STK32B: variants seen among roughly 807,000 people sequenced by gnomAD.
STK32B encodes the protein serine/threonine-protein kinase 32B.
In STK32B, 43 loss-of-function variants were observed where a neutral mutation model predicts 52.6. The observed-to-expected ratio is 0.82, with a 90% CI of 0.64 to 1.05. The LOEUF (loss-of-function observed/expected upper bound fraction) is 1.05, where lower values mean the gene tolerates loss of function less well. STK32B is among the 50% of genes least tolerant of loss of function. The probability of loss-of-function intolerance (pLI) is 0.00; values close to 1 mark genes in which losing one functional copy is unlikely to be tolerated. For missense variants in STK32B, 621 were observed against 534.6 expected (o/e 1.16, Z -1.59); for synonymous variants, 238 against 204.3 (o/e 1.17, Z -1.41).
chr4:5,316,472 CATATATA>C (rs1446580180), intron 3 of STK32B, among the ~76,000 whole-genome samples: 1 of 3,080 alleles, frequency 3.2e-4, no homozygotes, highest in Non-Finnish European at 3.8e-4. Context: ...ATATATATTA[CATATATA>C]ATATATAATA....
chr4:5,400,193 C>T lies in STK32B; in HGVS notation c.472+1949C>T, dbSNP rs1428587796. 6.6e-6 allele frequency among the ~76,000 whole-genome samples: 1 copy of T among 152,218 alleles called. No homozygotes were observed. Among genetic ancestry groups the T allele is most frequent in the Non-Finnish European group, 1.5e-5 (1 of 68,040 alleles). On this transcript the variant is annotated intron_variant, in intron 5 of 11. Coordinates refer to ENST00000282908, the MANE Select transcript of STK32B (RefSeq NM_018401.3). This position sits in a 1 kb window ranked among gnomAD's most constrained non-coding sequence, Gnocchi z 6.1. ...CCATCCTCACAGACCTTGGCCACAG[C>T]TCCCCTGAAGCTGCTGCACAAAAGA...
At chr4:5,392,022 C>G (rs1488894967) in intron 4 of STK32B, among the ~76,000 whole-genome samples, 1 of 152,124 alleles carries the variant, frequency 6.6e-6, no homozygotes, top group Non-Finnish European at 1.5e-5. Flanking sequence ...AGAGAAGGGA[C>G]AGGGTCAGAT....
At chr4:5,044,277 C>T in the STK32B span, among the ~76,000 whole-genome samples, 5 of 152,094 alleles carry the variant, frequency 3.3e-5, no homozygotes, top group African/African-American at 1.2e-4. Flanking sequence ...AATCTCAGGG[C>T]CTTAAACATC....
chr4:5,483,198 C>T (rs1201014336), intron 11 of STK32B, among the ~76,000 whole-genome samples: 2 of 151,514 alleles, frequency 1.3e-5, no homozygotes, highest in African/African-American at 4.9e-5. Context: ...TAGAATTTGG[C>T]TGTGAATCCA....
chr4:5,497,608 G>A (rs739970), intron 11 of STK32B, among the ~76,000 whole-genome samples: 16,420 of 152,188 alleles, frequency 0.11, 1,747 homozygotes, highest in African/African-American at 0.28. Context: ...TGACCAATTC[G>A]CTGTCTTATG....
chr4:5,484,430 C>A (rs1341808724), intron 11 of STK32B, among the ~76,000 whole-genome samples: 1 of 151,618 alleles, frequency 6.6e-6, no homozygotes, highest in East Asian at 1.9e-4. Flanking sequence ...TTTTTGTTTT[C>A]CATTTGCTTG....
At chr4:5,413,414 T>C (rs1711877200) in intron 5 of STK32B, among the ~76,000 whole-genome samples, 1 of 152,192 alleles carries the variant, frequency 6.6e-6, no homozygotes, top group Non-Finnish European at 1.5e-5. Context: ...TACTTGAAGC[T>C]CTGCCTTCTC....
intron 3 of STK32B, among the ~76,000 whole-genome samples, chr4:5,242,545 G>T (rs1232873526): frequency 6.6e-6 from 1 of 152,134 alleles, no homozygotes; most frequent in Non-Finnish European, 1.5e-5. Context: ...CACTCTGATG[G>T]TGGTTTCTTT....
intron 3 of STK32B, among the ~76,000 whole-genome samples, chr4:5,249,429 T>TCCTACCTA (rs1476593559): frequency 4.2e-4 from 40 of 94,248 alleles, no homozygotes; most frequent in Non-Finnish European, 6.6e-4. Context: ...TGTTCTTCCT[T>TCCTACCTA]CCTTCCTACC....
At chr4:5,344,539 C>A (rs147575443) in intron 4 of STK32B, among the ~76,000 whole-genome samples, 1 of 152,274 alleles carries the variant, frequency 6.6e-6, no homozygotes, top group Non-Finnish European at 1.5e-5. Context: ...ATAAGAAAAC[C>A]TTTGCCTTGG....
chr4:5,255,874 C>T (rs1186702736), intron 3 of STK32B, among the ~76,000 whole-genome samples: 1 of 152,170 alleles, frequency 6.6e-6, no homozygotes, highest in Non-Finnish European at 1.5e-5. Flanking sequence ...ATGAATAAAG[C>T]TGCTGTGCAC....
intron 3 of STK32B, among the ~76,000 whole-genome samples, chr4:5,309,644 T>C (rs1730160005): frequency 6.6e-6 from 1 of 152,184 alleles, no homozygotes; most frequent in African/African-American, 2.4e-5. Flanking sequence ...AAGGACAGTC[T>C]CTTTAATGAA....
chr4:5,218,527 G>T (rs1723321457), intron 3 of STK32B, among the ~76,000 whole-genome samples: 1 of 152,202 alleles, frequency 6.6e-6, no homozygotes, highest in African/African-American at 2.4e-5. Context: ...ACTATAGCCT[G>T]AAAGGGGGAG....
chr4:5,182,023 T>A (rs1037843944), intron 3 of STK32B, among the ~76,000 whole-genome samples: 1 of 152,280 alleles, frequency 6.6e-6, no homozygotes, highest in Non-Finnish European at 1.5e-5. Context: ...TTATGTGATA[T>A]TCTAAATCCT....
At position 5,481,155 on chromosome 4, in the gene STK32B, G is replaced by C. The variant is rs544734115; in HGVS notation, c.1106+13085G>C. ...TAGTTCTAGATCCCTGAGGAATCGC[G>C]ACACTGACTTGCACAATGGTTGAAC... On this transcript the variant is annotated intron_variant, in intron 11 of 11. Coordinates refer to ENST00000282908, the MANE Select transcript of STK32B (RefSeq NM_018401.3). Among the ~76,000 whole-genome samples the C allele has an allele frequency of 2.8e-3, 428 of 152,228 alleles. 2 individuals carry two copies. Among genetic ancestry groups the C allele is most frequent in the African/African-American group, 8.9e-3 (371 of 41,546 alleles).
At chr4:5,384,483 T>TG (rs1161689449) in intron 4 of STK32B, among the ~76,000 whole-genome samples, 1 of 151,902 alleles carries the variant, frequency 6.6e-6, no homozygotes, top group African/African-American at 2.4e-5. Context: ...ATCCCAGGGT[T>TG]GGGGCAGGTC....
At chr4:5,237,184 A>G (rs79497448) in intron 3 of STK32B, among the ~76,000 whole-genome samples, 5,995 of 152,238 alleles carry the variant, frequency 0.039, 185 homozygotes, top group African/African-American at 0.084. Context: ...AAGGTTGGCT[A>G]GGCTGGGTCA....
chr4:5,364,454 C>G (rs1446088607), intron 4 of STK32B, among the ~76,000 whole-genome samples: 2 of 152,208 alleles, frequency 1.3e-5, no homozygotes, highest in Middle Eastern at 6.3e-3. Flanking sequence ...CCAGCAAACC[C>G]CCACTGCCTG....
intron 2 of STK32B, among the ~76,000 whole-genome samples, chr4:5,152,455 G>A (rs1001993783): frequency 2.0e-5 from 3 of 152,246 alleles, no homozygotes; most frequent in African/African-American, 7.2e-5. Context: ...AGTGCAAACT[G>A]TTTATTTGAA....
Sources: gnomAD v4.1 joint callset for allele counts (sites outside exome capture counted in the v4.1 genomes callset) on GRCh38, gnomAD v4.1.1 for gene constraint, Gnocchi (gnomAD v3.1) non-coding constraint, MANE v1.5 for transcripts, NCBI Gene and HGNC (gene_info 2026-07-23, HGNC 2026-07-21) for gene names.